Variants in ARMC8 observed in about 807,000 individuals in gnomAD.
The protein encoded by ARMC8 is armadillo repeat containing 8.
ARMC8 carries 20 observed loss-of-function variants against 99.3 expected under a neutral mutation model. That is an observed-to-expected ratio of 0.20 (90% CI 0.14 to 0.29). ARMC8 has a LOEUF of 0.29. Among genes scored for constraint, ARMC8 ranks in the 10% least tolerant of loss-of-function variants. The pLI is 1.00. For missense variants in ARMC8, 569 were observed against 809.5 expected (o/e 0.70, Z 3.60); for synonymous variants, 263 against 278.3 (o/e 0.95, Z 0.55).
At chr3:138,260,426 C>A (rs1488987286) in intron 12 of ARMC8, among the ~76,000 whole-genome samples, 1 of 152,198 alleles carries the variant, frequency 6.6e-6, no homozygotes, top group African/African-American at 2.4e-5. Flanking sequence ...CCATAACATT[C>A]CATTTCCCCT....
At chr3:138,242,942 T>C (rs934870768) in intron 11 of ARMC8, among the ~76,000 whole-genome samples, 7 of 152,236 alleles carry the variant, frequency 4.6e-5, no homozygotes, top group Non-Finnish European at 1.0e-4. Context: ...TAAACTTATG[T>C]GTCTGCTCTT....
chr3:138,221,892 C>A, intron 2 of ARMC8, 34 bp from the exon 3 acceptor site: 1 of 1,535,174 alleles, frequency 6.5e-7, no homozygotes, highest in South Asian at 1.1e-5. Context: ...AGTGCTGTCT[C>A]AACATACTTT....
At chr3:138,236,445 T>C (rs1043036575) in intron 7 of ARMC8, among the ~76,000 whole-genome samples, 1 of 152,194 alleles carries the variant, frequency 6.6e-6, no homozygotes, top group Non-Finnish European at 1.5e-5. Context: ...GACTTCCTTA[T>C]TTACTATAAT....
At chr3:138,193,576 T>C (rs779004038) in intron 1 of ARMC8, among the ~76,000 whole-genome samples, 21 of 152,238 alleles carry the variant, frequency 1.4e-4, no homozygotes, top group Non-Finnish European at 2.6e-4. Context: ...AAAAGCTCTT[T>C]ATATGTTTTA....
chr3:138,263,363 T>G, intron 12 of ARMC8: 1 of 208,162 alleles, frequency 4.8e-6, no homozygotes. Flanking sequence ...GCATGGACTG[T>G]GATTTCTTTA....
intron 3 of ARMC8, among the ~76,000 whole-genome samples, chr3:138,222,317 G>A (rs981095211): frequency 6.6e-6 from 1 of 152,160 alleles, no homozygotes; most frequent in Non-Finnish European, 1.5e-5. Context: ...TAGAGCCTTG[G>A]CAGTTTTTTG....
chr3:138,252,741 A>AC (rs1281952773), intron 12 of ARMC8, among the ~76,000 whole-genome samples: 5 of 2,588 alleles, frequency 1.9e-3, no homozygotes, highest in Non-Finnish European at 2.5e-3. Flanking sequence ...GGCGTGAGCC[A>AC]CCCCGCCCCC....
At chr3:138,188,950 A>G (rs2107930052) in intron 1 of ARMC8, among the ~76,000 whole-genome samples, 1 of 152,330 alleles carries the variant, frequency 6.6e-6, no homozygotes, top group East Asian at 1.9e-4. Flanking sequence ...CTGTTACTCC[A>G]TCACTGACTG....
chr3:138,207,948 A>G (rs2044468412), intron 1 of ARMC8, among the ~76,000 whole-genome samples: 1 of 152,158 alleles, frequency 6.6e-6, no homozygotes, highest in African/African-American at 2.4e-5. Context: ...TTGTTCTTTA[A>G]AAATGAAGTA....
At chr3:138,204,206 G>C (rs2044236366) in intron 1 of ARMC8, among the ~76,000 whole-genome samples, 1 of 152,046 alleles carries the variant, frequency 6.6e-6, no homozygotes, top group South Asian at 2.1e-4. Context: ...CGATTCTTGT[G>C]CCTCAGCCTC....
At chr3:138,288,653 T>C (rs1051292686) in intron 19 of ARMC8, among the ~76,000 whole-genome samples, 2 of 150,698 alleles carry the variant, frequency 1.3e-5, no homozygotes, top group Admixed American at 6.6e-5. Flanking sequence ...TTTTTTTTTT[T>C]TTTGAGACGG....
chr3:138,281,860 A>G (rs57271388), intron 18 of ARMC8, among the ~76,000 whole-genome samples: 2,582 of 152,220 alleles, frequency 0.017, 76 homozygotes, highest in African/African-American at 0.056. Flanking sequence ...AAAAGTGTTT[A>G]CCATTTCTCT....
intron 2 of ARMC8, among the ~76,000 whole-genome samples, chr3:138,212,599 G>C (rs760619869): frequency 1.3e-5 from 2 of 152,090 alleles, no homozygotes; most frequent in Non-Finnish European, 2.9e-5. Flanking sequence ...GAGCCACCGC[G>C]CCTGGCCTAA....
At chr3:138,240,969 G>A (rs1420918195) in intron 10 of ARMC8, among the ~76,000 whole-genome samples, 1 of 152,158 alleles carries the variant, frequency 6.6e-6, no homozygotes, top group Non-Finnish European at 1.5e-5. Flanking sequence ...AGAATTGCTT[G>A]AATCCAGGAG....
intron 12 of ARMC8, among the ~76,000 whole-genome samples, chr3:138,248,693 A>T (rs2108205436): frequency 6.6e-6 from 1 of 152,344 alleles, no homozygotes; most frequent in South Asian, 2.1e-4. Flanking sequence ...GTCGATCACC[A>T]GTTAAGTTGG....
Position 138,223,520 on chromosome 3 carries a change from C to T in ARMC8, c.326C>T (p.Ala109Val). ...KSLLDCHIIPALLQGLLSPDL... is the reference protein window; with the variant it reads ...KSLLDCHIIPVLLQGLLSPDL... ...CTACTGGACTGCCATATTATCCCTG[C>T]CTTATTGCAAGGTATGTAGGGAAGC... The change falls in exon 4 of 22, where the codon GCC (alanine) becomes GTC (valine). Residue 109 changes from alanine to valine, a missense_variant. Coordinates refer to ENST00000469044, the MANE Select transcript of ARMC8 (RefSeq NM_001363941.2). 6.2e-7 allele frequency: 1 copy of T among 1,614,144 alleles called. No homozygotes were observed. Among genetic ancestry groups the T allele is most frequent in the Non-Finnish European group, 8.5e-7 (1 of 1,180,014 alleles).
At chr3:138,198,703 G>A (rs1035619816) in intron 1 of ARMC8, among the ~76,000 whole-genome samples, 1 of 151,758 alleles carries the variant, frequency 6.6e-6, no homozygotes. Flanking sequence ...TAGTAGAGCC[G>A]AGGTTTCACT....
At chr3:138,271,890 G>T (rs1011371531) in intron 16 of ARMC8, among the ~76,000 whole-genome samples, 2 of 151,354 alleles carry the variant, frequency 1.3e-5, no homozygotes, top group East Asian at 3.9e-4. Flanking sequence ...CTGCCTCCTG[G>T]GTTCAAGTGA....
intron 18 of ARMC8, among the ~76,000 whole-genome samples, chr3:138,276,607 A>G (rs193128239): frequency 6.6e-6 from 1 of 152,350 alleles, no homozygotes; most frequent in African/African-American, 2.4e-5. Context: ...TAGAAAAGGC[A>G]GTTGTATTTT....
Sources: allele counts gnomAD v4.1 joint callset (sites outside exome capture counted in the v4.1 genomes callset), GRCh38; gene constraint gnomAD v4.1.1; transcripts MANE v1.5; gene names NCBI Gene and HGNC (gene_info 2026-07-23, HGNC 2026-07-21).